AGBL4: variants seen among roughly 807,000 people sequenced by gnomAD.
AGBL4 encodes the protein cytosolic carboxypeptidase 6.
AGBL4 carries 58 observed loss-of-function variants against 66.4 expected under a neutral mutation model. That is an observed-to-expected ratio of 0.87 (90% CI 0.71 to 1.09). The LOEUF (loss-of-function observed/expected upper bound fraction) is 1.09, where lower values mean the gene tolerates loss of function less well. AGBL4 is among the 50% of genes least tolerant of loss of function. The pLI, the probability that AGBL4 is intolerant of heterozygous loss-of-function variation, is 0.00. For synonymous variants in AGBL4, 234 were observed against 222.9 expected (o/e 1.05, Z -0.44); for missense variants, 579 against 631.0 (o/e 0.92, Z 0.88).
At chr1:48,740,317 AG>A (rs1282727321) in intron 6 of AGBL4, among the ~76,000 whole-genome samples, 1 of 152,242 alleles carries the variant, frequency 6.6e-6, no homozygotes, top group Non-Finnish European at 1.5e-5. Flanking sequence ...CCTGGGAACC[AG>A]GAGGTCTGGC....
chr1:48,802,333 G>C (rs975882413), intron 6 of AGBL4, among the ~76,000 whole-genome samples: 29 of 152,212 alleles, frequency 1.9e-4, no homozygotes, highest in African/African-American at 7.0e-4. Flanking sequence ...GAAAAATTAG[G>C]TTGGGATAAT....
chr1:48,911,690 G>A (rs1337366799), intron 5 of AGBL4, among the ~76,000 whole-genome samples: 1 of 151,224 alleles, frequency 6.6e-6, no homozygotes, highest in Non-Finnish European at 1.5e-5. Flanking sequence ...GAGATTGCAT[G>A]ACAGATATTT....
At chr1:48,796,995 T>G (rs751322215) in intron 6 of AGBL4, among the ~76,000 whole-genome samples, 1 of 152,166 alleles carries the variant, frequency 6.6e-6, no homozygotes, top group Non-Finnish European at 1.5e-5. Context: ...GTCAATGATA[T>G]GCACACCCTA....
Position 48,559,064 on chromosome 1 carries a change from T to C in AGBL4, c.1268-19326A>G, listed in dbSNP as rs568303818. On this transcript the variant is annotated intron_variant, in intron 11 of 13. Transcript: ENST00000371839. The stretch of plus-strand genomic sequence containing the variant: ...TTGTTCTTATACCGGGATAGGGTCA[T>C]AGAATATTGATTTTGGTCACAGAAT... Among the ~76,000 whole-genome samples, 26 of 152,334 alleles carry C rather than the reference T, an allele frequency of 1.7e-4. 1 individual carries two copies. In the South Asian group the frequency reaches 5.4e-3, roughly 32 times the overall value.
chr1:48,607,152 G>T (rs1645165993), intron 9 of AGBL4, among the ~76,000 whole-genome samples: 1 of 152,150 alleles, frequency 6.6e-6, no homozygotes, highest in South Asian at 2.1e-4. Flanking sequence ...AATTAAAAAT[G>T]AGGGCATATT....
chr1:49,662,819 T>G (rs1646295647), intron 3 of AGBL4, among the ~76,000 whole-genome samples: 1 of 152,112 alleles, frequency 6.6e-6, no homozygotes. Flanking sequence ...AATGAAAGAA[T>G]CAGGCAGTTA....
In AGBL4 at chr1:49,377,412, C is replaced by T. The variant is rs1381224068; in HGVS notation, c.283-131548G>A. Reference sequence around the variant, plus strand: ...TTCCAAAAATGTTAAGTAACTTATTCATGGACACCCAGCTAGTAAGTGGCA... The same window carrying T: ...TTCCAAAAATGTTAAGTAACTTATTTATGGACACCCAGCTAGTAAGTGGCA... On this transcript the variant is annotated intron_variant, in intron 3 of 13. Coordinates refer to ENST00000371839, the MANE Select transcript of AGBL4 (RefSeq NM_032785.4). Among the ~76,000 whole-genome samples, 4 of 152,074 alleles carry T rather than the reference C, an allele frequency of 2.6e-5. No individual in the cohort carries two copies. In the East Asian group the frequency reaches 7.7e-4, roughly 29 times the overall value.
At chr1:49,731,685 A>C (rs1649462634) in intron 2 of AGBL4, among the ~76,000 whole-genome samples, 1 of 152,172 alleles carries the variant, frequency 6.6e-6, no homozygotes, top group Admixed American at 6.6e-5. Context: ...GAAGTACTCT[A>C]AATATATGTA....
chr1:49,441,809 C>A (rs1646037535), intron 3 of AGBL4, among the ~76,000 whole-genome samples: 1 of 152,168 alleles, frequency 6.6e-6, no homozygotes, highest in South Asian at 2.1e-4. Flanking sequence ...GATAGGATGA[C>A]CTGTTCTGTG....
chr1:49,616,149 T>C (rs959125868), intron 3 of AGBL4, among the ~76,000 whole-genome samples: 40 of 152,254 alleles, frequency 2.6e-4, no homozygotes, highest in Middle Eastern at 3.4e-3. Context: ...CTTCATATTC[T>C]TTATATCATT....
intron 4 of AGBL4, among the ~76,000 whole-genome samples, chr1:49,164,671 G>T (rs1288304378): frequency 1.3e-5 from 2 of 152,120 alleles, no homozygotes; most frequent in African/African-American, 4.8e-5. Flanking sequence ...TATAACCTCA[G>T]GAATGTCACT....
At chr1:49,322,720 C>T (rs1486850495) in intron 3 of AGBL4, among the ~76,000 whole-genome samples, 1 of 152,192 alleles carries the variant, frequency 6.6e-6, no homozygotes, top group African/African-American at 2.4e-5. Context: ...CTTACAGCTT[C>T]CAGAACAAGT....
At chr1:49,927,489 G>T (rs1468508544) in intron 1 of AGBL4, among the ~76,000 whole-genome samples, 1 of 152,008 alleles carries the variant, frequency 6.6e-6, no homozygotes, top group Non-Finnish European at 1.5e-5. Context: ...AAAACCATCA[G>T]ATCTTATGAG....
intron 3 of AGBL4, among the ~76,000 whole-genome samples, chr1:49,459,188 T>G (rs1646456815): frequency 6.6e-6 from 1 of 151,752 alleles, no homozygotes; most frequent in Non-Finnish European, 1.5e-5. Context: ...GTACCAATTC[T>G]TATTTGAATG....
At chr1:49,869,275 T>C (rs559301107) in intron 1 of AGBL4, among the ~76,000 whole-genome samples, 64 of 152,100 alleles carry the variant, frequency 4.2e-4, no homozygotes, top group Non-Finnish European at 7.5e-4. Context: ...ACTTATTCTA[T>C]TATAAAGATA....
intron 2 of AGBL4, among the ~76,000 whole-genome samples, chr1:49,814,869 TTTAA>T (rs1645193764): frequency 6.6e-6 from 1 of 152,104 alleles, no homozygotes; most frequent in Non-Finnish European, 1.5e-5. Flanking sequence ...AGCCATTAAT[TTTAA>T]TTTTTATTTT....
At chr1:49,717,870 C>T (rs1427573725) in intron 2 of AGBL4, among the ~76,000 whole-genome samples, 2 of 151,994 alleles carry the variant, frequency 1.3e-5, no homozygotes, top group African/African-American at 4.8e-5. Flanking sequence ...TATATTAAAG[C>T]TCTATTTCAG....
intron 6 of AGBL4, among the ~76,000 whole-genome samples, chr1:48,743,659 CCT>C (rs1411444255): frequency 2.0e-5 from 3 of 152,206 alleles, no homozygotes; most frequent in African/African-American, 7.2e-5. Flanking sequence ...ACAGCAGCTC[CCT>C]CTGTCTGTGC....
intron 3 of AGBL4, among the ~76,000 whole-genome samples, chr1:49,454,580 G>A (rs1646348841): frequency 6.6e-6 from 1 of 151,694 alleles, no homozygotes; most frequent in African/African-American, 2.4e-5. Context: ...TGGGATTGAG[G>A]AGTTTTCTTG....
Sources: allele counts gnomAD v4.1 joint callset (sites outside exome capture counted in the v4.1 genomes callset), GRCh38; gene constraint gnomAD v4.1.1; transcripts MANE v1.5; gene names NCBI Gene and HGNC (gene_info 2026-07-23, HGNC 2026-07-21).